Variants in CLVS1 observed in about 807,000 individuals in gnomAD.
The protein encoded by CLVS1 is clavesin 1.
Under a neutral mutation model 33.1 loss-of-function variants are expected in CLVS1, and 10 were observed. The observed-to-expected ratio is 0.30, with a 90% confidence interval of 0.19 to 0.51. The LOEUF (loss-of-function observed/expected upper bound fraction) is 0.51, where lower values mean the gene tolerates loss of function less well. Among genes scored for constraint, CLVS1 ranks in the 20% least tolerant of loss-of-function variants. The pLI is 0.97. For synonymous variants in CLVS1, 163 were observed against 166.1 expected, an observed-to-expected ratio of 0.98 and a Z score of 0.14; for missense variants, 343 against 433.4, an observed-to-expected ratio of 0.79 and a Z score of 1.85.
At chr8:61,033,055 GAAAGAT>G in the CLVS1 span, among the ~76,000 whole-genome samples, 35 of 60,600 alleles carry the variant, frequency 5.8e-4, 1 homozygote, top group Non-Finnish European at 1.3e-3. Flanking sequence ...GAAAAAGAAA[GAAAGAT>G]AGAAAGAAAG....
chr8:61,064,216 C>G (rs1460590915), intron 1 of CLVS1, among the ~76,000 whole-genome samples: 1 of 152,164 alleles, frequency 6.6e-6, no homozygotes, highest in Non-Finnish European at 1.5e-5. Flanking sequence ...TGAGTGCCTG[C>G]TTTCAATTTC....
At chr8:61,179,940 A>G (rs1310176580) in intron 2 of CLVS1, among the ~76,000 whole-genome samples, 1 of 152,244 alleles carries the variant, frequency 6.6e-6, no homozygotes, top group Non-Finnish European at 1.5e-5. Context: ...CTAGAGAGGC[A>G]AGAGCAAACA....
At chr8:61,003,128 G>A in the CLVS1 span, among the ~76,000 whole-genome samples, 36 of 152,170 alleles carry the variant, frequency 2.4e-4, no homozygotes, top group Non-Finnish European at 4.1e-4. Flanking sequence ...CTTCTAGAGG[G>A]ACTTGCTCTG....
At chr8:61,110,322 A>G (rs6984222) in intron 1 of CLVS1, among the ~76,000 whole-genome samples, 2,008 of 152,240 alleles carry the variant, frequency 0.013, 53 homozygotes, top group African/African-American at 0.046. Context: ...ACATCCTGCC[A>G]GAATTCTTCC....
chr8:61,293,544 C>G (rs1373123581), intron 1 of CLVS1, among the ~76,000 whole-genome samples: 2 of 152,126 alleles, frequency 1.3e-5, no homozygotes, highest in Non-Finnish European at 2.9e-5. Context: ...AATAGAGTTA[C>G]ACTTAAAAAG....
At chr8:61,274,809 T>C (rs1400693222) in intron 2 of CLVS1, among the ~76,000 whole-genome samples, 1 of 152,198 alleles carries the variant, frequency 6.6e-6, no homozygotes. Flanking sequence ...GATTAACACT[T>C]GTAGTTTCTT....
At position 61,419,096 on chromosome 8, in the gene CLVS1, C is replaced by T. The variant is rs190989426; in HGVS notation, c.631-35045C>T. Among the ~76,000 whole-genome samples, 46 of 152,134 alleles carry T rather than the reference C, an allele frequency of 3.0e-4. No homozygotes were observed. In the East Asian group the frequency reaches 7.5e-3, roughly 25 times the overall value. ...GAACAAATGAAGGCACAAACAAGGC[C>T]ACAAATAAAAATCATTTATTGGCTG... is the stretch of plus-strand genomic sequence containing the variant. On this transcript the variant is annotated intron_variant, in intron 3 of 5. Coordinates refer to ENST00000325897, the MANE Select transcript of CLVS1 (RefSeq NM_173519.3).
At chr8:61,435,239 C>A (rs1414742530) in intron 3 of CLVS1, among the ~76,000 whole-genome samples, 1 of 152,082 alleles carries the variant, frequency 6.6e-6, no homozygotes, top group Non-Finnish European at 1.5e-5. Flanking sequence ...AGGCCCCAGG[C>A]CCTGAAAGGG....
intron 1 of CLVS1, among the ~76,000 whole-genome samples, chr8:61,121,286 T>C (rs1221247183): frequency 6.6e-6 from 1 of 152,176 alleles, no homozygotes; most frequent in Non-Finnish European, 1.5e-5. Context: ...CACTCCCTAG[T>C]GAGATGAACC....
chr8:61,263,872 C>T (rs1809254702), intron 2 of CLVS1, among the ~76,000 whole-genome samples: 2 of 152,168 alleles, frequency 1.3e-5, no homozygotes, highest in African/African-American at 2.4e-5. Context: ...GATATGAAAG[C>T]ATTTAGTAAA....
chr8:61,181,502 A>C (rs1405841474), intron 2 of CLVS1, among the ~76,000 whole-genome samples: 1 of 152,276 alleles, frequency 6.6e-6, no homozygotes, highest in African/African-American at 2.4e-5. Context: ...ATATAAAACC[A>C]AAAAAGAACC....
intron 3 of CLVS1, among the ~76,000 whole-genome samples, chr8:61,452,273 A>G (rs1486102308): frequency 6.6e-6 from 1 of 152,246 alleles, no homozygotes; most frequent in Non-Finnish European, 1.5e-5. Flanking sequence ...CCTACTGTCA[A>G]GTATTATTTA....
intron 5 of CLVS1, among the ~76,000 whole-genome samples, chr8:61,466,614 A>C (rs1386975239): frequency 6.6e-6 from 1 of 152,178 alleles, no homozygotes; most frequent in Non-Finnish European, 1.5e-5. Flanking sequence ...ATTGCTGATA[A>C]AGTAATTAAA....
intron 1 of CLVS1, among the ~76,000 whole-genome samples, chr8:61,069,135 T>C (rs1488967189): frequency 6.6e-6 from 1 of 152,130 alleles, no homozygotes; most frequent in African/African-American, 2.4e-5. Context: ...CTTGGCTAAT[T>C]TTGTAATTTT....
rs574455101 is a variant in CLVS1 at position 61,341,315 on chromosome 8, A to G, written c.456-35290A>G. ...CGGCAGCATGAAGCTGTTAAAGATA[A>G]TAGACCTGTGTTAAAACCCACAAAT... On this transcript the variant is annotated intron_variant, in intron 2 of 5. Transcript: ENST00000325897. Among the ~76,000 whole-genome samples the G allele has an allele frequency of 7.4e-4, 112 of 152,324 alleles. 1 individual carries two copies. The Middle Eastern group carries it at 0.02, about 28-fold the overall frequency.
chr8:61,371,859 G>A (rs1033651504), intron 2 of CLVS1, among the ~76,000 whole-genome samples: 35 of 152,248 alleles, frequency 2.3e-4, no homozygotes, highest in Admixed American at 2.2e-3. Flanking sequence ...GTATAATGAT[G>A]AAACCCCTGT....
intron 3 of CLVS1, among the ~76,000 whole-genome samples, chr8:61,388,871 CT>C (rs920698738): frequency 3.3e-5 from 5 of 152,128 alleles, no homozygotes; most frequent in African/African-American, 9.7e-5. Flanking sequence ...CTTATTCCCC[CT>C]ATCTGGCAAT....
At chr8:61,083,751 T>G (rs1419797481) in intron 1 of CLVS1, among the ~76,000 whole-genome samples, 1 of 151,782 alleles carries the variant, frequency 6.6e-6, no homozygotes. Flanking sequence ...TTAAAGAAAT[T>G]TCAGAAGAAG....
At chr8:61,251,420 G>A (rs1266223345) in intron 2 of CLVS1, among the ~76,000 whole-genome samples, 1 of 152,114 alleles carries the variant, frequency 6.6e-6, no homozygotes, top group African/African-American at 2.4e-5. Flanking sequence ...GGATGATACT[G>A]GCCTCACAAA....
Sources: allele counts gnomAD v4.1 joint callset (sites outside exome capture counted in the v4.1 genomes callset), GRCh38; gene constraint gnomAD v4.1.1; transcripts MANE v1.5; gene names NCBI Gene and HGNC (gene_info 2026-07-23, HGNC 2026-07-21).